The following ANO1 variants were observed in gnomAD, a reference collection of about 807,000 sequenced individuals.
The protein encoded by ANO1 is anoctamin-1.
A neutral mutation model predicts 124.0 loss-of-function variants in ANO1; 59 were observed. The observed-to-expected ratio is 0.48, with a 90% confidence interval of 0.39 to 0.59. The LOEUF is 0.59. Ranked by LOEUF, ANO1 falls within the 20% of genes least tolerant of loss-of-function variation. The pLI is 0.00. For synonymous variants in ANO1, 529 were observed against 532.0 expected (o/e 0.99, Z 0.08); for missense variants, 1,059 against 1,328.0 (o/e 0.80, Z 3.15).
At chr11:70,174,677 C>T (rs1408736629) in intron 22 of ANO1, among the ~76,000 whole-genome samples, 1 of 152,078 alleles carries the variant, frequency 6.6e-6, no homozygotes, top group Non-Finnish European at 1.5e-5. Flanking sequence ...GATAGGAGGC[C>T]GAGGCCCAGG....
chr11:70,141,488 G>A (rs1256355722), intron 11 of ANO1: 2 of 152,226 alleles, frequency 1.3e-5, no homozygotes, highest in African/African-American at 2.4e-5. Flanking sequence ...ATACAGTCAA[G>A]TACAAGTTCC....
intron 1 of ANO1, chr11:70,016,553 G>A (rs551223163): frequency 8.5e-5 from 13 of 152,398 alleles, no homozygotes; most frequent in African/African-American, 2.9e-4. Flanking sequence ...GCTGCGGATG[G>A]GGAATTCCAC....
intron 1 of ANO1, among the ~76,000 whole-genome samples, chr11:70,044,596 TTATAAA>T (rs1368789333): frequency 6.6e-6 from 1 of 152,140 alleles, no homozygotes; most frequent in Admixed American, 6.5e-5. Flanking sequence ...GAATGCCAAC[TTATAAA>T]TATAGAAGGA....
intron 7 of ANO1, among the ~76,000 whole-genome samples, chr11:70,115,012 C>T (rs1273597949): frequency 6.6e-6 from 1 of 152,132 alleles, no homozygotes; most frequent in African/African-American, 2.4e-5. Flanking sequence ...TAAGGACCTC[C>T]GTATAAATGA....
intron 10 of ANO1, among the ~76,000 whole-genome samples, 161 bp downstream of exon 10, chr11:70,126,356 C>T (rs976035404): frequency 2.0e-5 from 3 of 152,170 alleles, no homozygotes; most frequent in Non-Finnish European, 2.9e-5. Flanking sequence ...GGACATGGTT[C>T]GAAGCCATCT....
Position 70,029,122 on chromosome 11 carries a change from C to T in ANO1, c.58+42956C>T, listed in dbSNP as rs181045776. ...TTGAAGGCAGGGCTCTGCTGGGTCC[C>T]TGGCAGCCCCTGTGGGTGCTCGATG... On this transcript the variant is annotated intron_variant, in intron 1 of 27. Transcript: ENST00000531349. Among the ~76,000 whole-genome samples, 5 of 152,338 alleles carry T rather than the reference C, an allele frequency of 3.3e-5. No individual in the cohort carries two copies. The East Asian group carries it at 9.7e-4, about 29-fold the overall frequency.
At chr11:70,041,796 C>T (rs781956412) in intron 1 of ANO1, among the ~76,000 whole-genome samples, 7 of 152,042 alleles carry the variant, frequency 4.6e-5, no homozygotes, top group Non-Finnish European at 8.8e-5. Context: ...TTTTCTGTAA[C>T]CTGCAATGTT....
chr11:70,052,531 CTTTTTTTTTTTT>C (rs200770702), intron 1 of ANO1, among the ~76,000 whole-genome samples: 28 of 65,922 alleles, frequency 4.2e-4, no homozygotes, highest in Non-Finnish European at 8.4e-4. Flanking sequence ...TTTTTCTTTT[CTTTTTTTTTTTT>C]TTTTTTTTTT....
chr11:69,979,825 C>A, the ANO1 span, among the ~76,000 whole-genome samples: 1 of 152,168 alleles, frequency 6.6e-6, no homozygotes, highest in African/African-American at 2.4e-5. Context: ...AGTTCACTTG[C>A]CCTTCTCTTT....
intron 2 of ANO1, among the ~76,000 whole-genome samples, chr11:70,088,307 C>G (rs183825142): frequency 1.3e-5 from 2 of 151,950 alleles, no homozygotes; most frequent in African/African-American, 4.8e-5. Context: ...GTCAAGAGAT[C>G]GAGGCCATCC....
chr11:70,148,266 GT>G (rs943736009), intron 11 of ANO1, among the ~76,000 whole-genome samples: 3 of 152,152 alleles, frequency 2.0e-5, no homozygotes, highest in Admixed American at 2.0e-4. Flanking sequence ...CTGAGCCTCA[GT>G]TTCCCCCTCT....
chr11:70,167,486 C>T, intron 21 of ANO1, 99 bp downstream of exon 21: 1 of 1,442,528 alleles, frequency 6.9e-7, no homozygotes, highest in Non-Finnish European at 9.3e-7. Flanking sequence ...TGCCCCCAAC[C>T]CTGCGGTGCC....
chr11:70,051,043 T>C (rs1165282560), intron 1 of ANO1, among the ~76,000 whole-genome samples: 1 of 152,208 alleles, frequency 6.6e-6, no homozygotes, highest in Non-Finnish European at 1.5e-5. Context: ...CAGTAGACAT[T>C]CATGAAAGTG....
At chr11:70,128,498 G>T (rs1001256052) in intron 10 of ANO1, among the ~76,000 whole-genome samples, 1 of 152,224 alleles carries the variant, frequency 6.6e-6, no homozygotes, top group South Asian at 2.1e-4. Context: ...CAGCCCAGGG[G>T]TTGGCCATGC....
intron 8 of ANO1, among the ~76,000 whole-genome samples, chr11:70,121,113 T>C (rs12576373): frequency 0.98 from 148,468 of 152,126 alleles, 72,560 homozygotes; most frequent in East Asian, 1. Flanking sequence ...CCACTGAGGG[T>C]GGGTCCCTCC....
At chr11:70,153,235 C>T in intron 14 of ANO1, 107 bp downstream of exon 14, 1 of 1,056,790 alleles carries the variant, frequency 9.5e-7, no homozygotes, top group East Asian at 2.6e-5. Context: ...GCTGTGTAAC[C>T]CCGTGTTGCG....
rs1346382960 is a variant in ANO1 at position 70,161,343 on chromosome 11, C to T, written c.1761C>T (p.Ala587=). Residue 587 remains alanine, a synonymous_variant, in exon 17 of 26, where the codon GCC becomes GCT. Coordinates refer to ENST00000355303, the MANE Select transcript of ANO1 (RefSeq NM_018043.7). ...TGGACGAGGTGTATGGCTGCATAGC[C>T]CGATGGCTCACCAAGATCGGTGAGT... ...ILLDEVYGCI[A]RWLTKIEVPK... 2 of 1,613,832 alleles carry T rather than the reference C, an allele frequency of 1.2e-6. No individual in the cohort carries two copies. Among genetic ancestry groups the T allele is most frequent in the African/African-American group, 1.3e-5 (1 of 74,954 alleles).
chr11:70,187,911 C>T lies in ANO1; in HGVS notation c.2868C>T (p.Asp956=), dbSNP rs749715005. 9 of 1,590,054 alleles carry T rather than the reference C, an allele frequency of 5.7e-6. No individual in the cohort carries two copies. The highest frequency in any genetic ancestry group is 3.4e-5 in the South Asian group (3 of 87,500). Residue 956 remains aspartate, a synonymous_variant, in exon 26 of 26, where the codon GAC becomes GAT. Transcript: ENST00000355303. ...ETWMEKERQK[D]EPPCNHHNTK... is the part of the protein sequence containing the mutation. ...GGATGGAGAAGGAGCGGCAGAAGGA[C>T]GAGCCGCCGTGCAACCACCACAACA...
At chr11:70,147,060 A>G (rs182367760) in intron 11 of ANO1, among the ~76,000 whole-genome samples, 25 of 152,374 alleles carry the variant, frequency 1.6e-4, no homozygotes, top group Non-Finnish European at 2.5e-4. Flanking sequence ...TTGACACTCA[A>G]TACAAACCAT....
Sources: gnomAD v4.1 joint callset for allele counts (sites outside exome capture counted in the v4.1 genomes callset) on GRCh38, gnomAD v4.1.1 for gene constraint, MANE v1.5 for transcripts, NCBI Gene and HGNC (gene_info 2026-07-23, HGNC 2026-07-21) for gene names.